Variants in EYS observed in about 807,000 individuals in gnomAD.
The protein encoded by EYS is EGF-like photoreceptor maintenance factor.
Under a neutral mutation model 282.1 loss-of-function variants are expected in EYS, and 250 were observed. The observed-to-expected ratio is 0.89, with a 90% CI of 0.80 to 0.98. EYS has a LOEUF of 0.98. Among genes scored for constraint, EYS ranks in the 50% least tolerant of loss-of-function variants. The probability of loss-of-function intolerance (pLI) is 0.00; values close to 1 mark genes in which losing one functional copy is unlikely to be tolerated. For missense variants in EYS, 4,016 were observed against 3,709.0 expected (o/e 1.08, Z -2.15); for synonymous variants, 1,355 against 1,282.9 (o/e 1.06, Z -1.20).
At chr6:64,704,667 T>G (rs1770938805) in intron 22 of EYS, among the ~76,000 whole-genome samples, 1 of 151,708 alleles carries the variant, frequency 6.6e-6, no homozygotes, top group African/African-American at 2.4e-5. Flanking sequence ...ACCTGCAATT[T>G]CCTCCTCCTG....
intron 29 of EYS, among the ~76,000 whole-genome samples, chr6:64,344,879 A>G (rs1771309213): frequency 6.6e-6 from 1 of 152,190 alleles, no homozygotes; most frequent in African/African-American, 2.4e-5. Flanking sequence ...ATGTGCAAAA[A>G]TCACAAGCAC....
intron 31 of EYS, among the ~76,000 whole-genome samples, chr6:64,194,987 G>A (rs1053212573): frequency 1.3e-5 from 2 of 152,014 alleles, no homozygotes; most frequent in Admixed American, 1.3e-4. Flanking sequence ...ATTGCTGCTT[G>A]CAACACTTTT....
At chr6:64,808,117 TCCTTCCCTTC>T (rs977970361) in intron 22 of EYS, among the ~76,000 whole-genome samples, 1 of 150,316 alleles carries the variant, frequency 6.7e-6, no homozygotes, top group East Asian at 2.0e-4. Flanking sequence ...TTCTTCCCTT[TCCTTCCCTTC>T]CCTTCCCTTC....
chr6:65,345,440 G>C (rs1270375886), intron 9 of EYS, among the ~76,000 whole-genome samples: 1 of 151,724 alleles, frequency 6.6e-6, no homozygotes, highest in African/African-American at 2.4e-5. Context: ...GCAAATTTAT[G>C]TAGTATTAGA....
At chr6:64,112,787 T>C (rs1773249731) in intron 31 of EYS, among the ~76,000 whole-genome samples, 1 of 149,496 alleles carries the variant, frequency 6.7e-6, no homozygotes, top group South Asian at 2.1e-4. Context: ...ATAATATATA[T>C]CTATAATATC....
At chr6:65,302,419 G>A (rs1768868635) in intron 11 of EYS, 1 of 638,948 alleles carries the variant, frequency 1.6e-6, no homozygotes, top group Non-Finnish European at 2.8e-6. Context: ...GTTGTCATTT[G>A]GAAGATTAAA....
At chr6:64,201,176 G>T (rs1025624178) in intron 31 of EYS, among the ~76,000 whole-genome samples, 3 of 152,090 alleles carry the variant, frequency 2.0e-5, no homozygotes, top group African/African-American at 7.2e-5. Flanking sequence ...TTCAAGTAAG[G>T]ATAGGAAGTT....
chr6:65,338,959 C>T (rs116723528), intron 10 of EYS, among the ~76,000 whole-genome samples: 1,533 of 151,158 alleles, frequency 0.01, 30 homozygotes, highest in African/African-American at 0.035. Context: ...CAGGGAATAT[C>T]GTGTAATTTT....
At chr6:64,289,677 C>G (rs1477469175) in intron 30 of EYS, among the ~76,000 whole-genome samples, 2 of 151,958 alleles carry the variant, frequency 1.3e-5, no homozygotes, top group Non-Finnish European at 2.9e-5. Flanking sequence ...ACTGTTTTGT[C>G]TTTATATCTC....
chr6:64,767,676 G>A (rs927739753), intron 22 of EYS, among the ~76,000 whole-genome samples: 5 of 151,806 alleles, frequency 3.3e-5, no homozygotes, highest in Admixed American at 2.0e-4. Context: ...GTCTTTATTC[G>A]TTCATCTGTT....
At chr6:64,420,169 A>G (rs1166307222) in intron 28 of EYS, among the ~76,000 whole-genome samples, 1 of 152,128 alleles carries the variant, frequency 6.6e-6, no homozygotes, top group Non-Finnish European at 1.5e-5. Flanking sequence ...ACCATGTGGA[A>G]ACTGCCAAGA....
At chr6:65,274,228 A>G (rs942048142) in intron 12 of EYS, among the ~76,000 whole-genome samples, 2 of 152,200 alleles carry the variant, frequency 1.3e-5, no homozygotes, top group African/African-American at 2.4e-5. Context: ...AAAACTGTAA[A>G]CCAAAAGCAA....
intron 19 of EYS, among the ~76,000 whole-genome samples, chr6:64,870,802 T>A (rs1038286783): frequency 6.6e-6 from 1 of 151,730 alleles, no homozygotes; most frequent in East Asian, 1.9e-4. Flanking sequence ...TGAAATTCAC[T>A]GGAGGGACTT....
intron 22 of EYS, among the ~76,000 whole-genome samples, chr6:64,776,219 T>C (rs1562185432): frequency 6.6e-6 from 1 of 152,104 alleles, no homozygotes; most frequent in Non-Finnish European, 1.5e-5. Context: ...AATTCATTGC[T>C]TGAGGAGATC....
intron 1 of EYS, among the ~76,000 whole-genome samples, chr6:65,654,393 C>T (rs1026474044): frequency 4.6e-5 from 7 of 151,710 alleles, no homozygotes; most frequent in South Asian, 2.1e-4. Flanking sequence ...AACTCTTGGG[C>T]GTGGATATTA....
chr6:64,786,596 T>G (rs1229036666), intron 22 of EYS, among the ~76,000 whole-genome samples: 2 of 152,192 alleles, frequency 1.3e-5, no homozygotes, highest in Non-Finnish European at 2.9e-5. Context: ...TCTATCTCTC[T>G]TGACACCATA....
At chr6:63,831,127 G>C (rs1206475249) in intron 36 of EYS, among the ~76,000 whole-genome samples, 1 of 152,200 alleles carries the variant, frequency 6.6e-6, no homozygotes, top group East Asian at 1.9e-4. Context: ...AAATTGTAAA[G>C]ACCATTGATG....
chr6:63,841,366 C>A (rs1269535702), intron 36 of EYS, among the ~76,000 whole-genome samples: 5 of 152,088 alleles, frequency 3.3e-5, no homozygotes, highest in Non-Finnish European at 7.4e-5. Flanking sequence ...TTTAAGGGTT[C>A]TAATTACAAC....
At chr6:64,687,607 C>T (rs999136210) in intron 22 of EYS, among the ~76,000 whole-genome samples, 2 of 152,166 alleles carry the variant, frequency 1.3e-5, no homozygotes, top group African/African-American at 4.8e-5. Context: ...TGATATGCGG[C>T]TGGATTCGGT....
Sources: gnomAD v4.1 joint callset for allele counts (sites outside exome capture counted in the v4.1 genomes callset) on GRCh38, gnomAD v4.1.1 for gene constraint, MANE v1.5 for transcripts, NCBI Gene and HGNC (gene_info 2026-07-23, HGNC 2026-07-21) for gene names.